ARG1: variants seen among roughly 807,000 people sequenced by gnomAD.
The protein encoded by ARG1 is arginase-1.
In ARG1, 20 loss-of-function variants were observed where a neutral mutation model predicts 33.0. That is an observed-to-expected ratio of 0.61 (90% CI 0.43 to 0.88). The LOEUF (loss-of-function observed/expected upper bound fraction) is 0.88, where lower values mean the gene tolerates loss of function less well. Ranked by LOEUF, ARG1 falls within the 40% of genes least tolerant of loss-of-function variation. ARG1 has a pLI of 0.00. For synonymous variants in ARG1, 146 were observed against 140.6 expected, an observed-to-expected ratio of 1.04 and a Z score of -0.27; for missense variants, 374 against 384.7, an observed-to-expected ratio of 0.97 and a Z score of 0.23.
rs1367932520 is a variant in ARG1 at position 131,584,138 on chromosome 6, TAGAA to T, written c.*234_*237del. On this transcript the variant is annotated 3_prime_UTR_variant, in exon 8 of 8. Coordinates refer to ENST00000368087, the MANE Select transcript of ARG1 (RefSeq NM_000045.4). The stretch of plus-strand genomic sequence containing the variant: ...TCTAACTTGGCAAAAGACTTATCCT[TAGAA>T]AGAGAAGTGTACATTGATTTCCAAT... The T allele has an allele frequency of 9.3e-6, 5 of 537,616 alleles. No individual in the cohort carries two copies. The highest frequency in any genetic ancestry group is 1.6e-5 in the Non-Finnish European group (5 of 308,440). 33.3% of individuals were successfully genotyped at this position (537,616 alleles called of 1,614,324 possible). A position where few individuals can be genotyped will look rare whatever the true frequency, so the allele number is the denominator to read the frequency against.
intron 6 of ARG1, 62 bp downstream of exon 6, chr6:131,583,226 A>T: frequency 6.3e-7 from 1 of 1,597,218 alleles, no homozygotes; most frequent in East Asian, 2.2e-5. Flanking sequence ...ACTGACAACC[A>T]AAGTTATTAA....
intron 4 of ARG1, 29 bp from the exon 5 acceptor site, chr6:131,582,592 A>AT: frequency 6.4e-7 from 1 of 1,566,690 alleles, no homozygotes; most frequent in Non-Finnish European, 8.8e-7. Context: ...AGAATCATAC[A>AT]TAACCAAGTG....
chr6:131,582,733 T>A lies in ARG1; in HGVS notation c.560+18T>A, dbSNP rs760015789. 3 of 1,610,150 alleles carry A rather than the reference T, an allele frequency of 1.9e-6. No homozygotes were observed. The African/African-American group carries it at 4.0e-5, about 22-fold the overall frequency. On this transcript the variant is annotated intron_variant, in intron 5 of 7. Transcript: ENST00000368087. ...GGGGAACAGTAAGCTTATTCCTTGA[T>A]GTGATTTGCCTCCATTTTTGTCCCT...
chr6:131,582,746 C>A, intron 5 of ARG1, 31 bp downstream of exon 5: 1 of 1,597,446 alleles, frequency 6.3e-7, no homozygotes, highest in Non-Finnish European at 8.6e-7. Context: ...GATTTGCCTC[C>A]ATTTTTGTCC....
At chr6:131,579,463 AT>A (rs1773805625) in intron 3 of ARG1, 178 bp downstream of exon 3, 1 of 596,778 alleles carries the variant, frequency 1.7e-6, no homozygotes, top group Non-Finnish European at 2.8e-6. Flanking sequence ...ACTTCGCTCA[AT>A]TTGAAGTCTT....
rs942154661 is a variant in ARG1 at position 131,578,948 on chromosome 6, A to T, written c.131-163A>T. 13 of 740,602 alleles carry T rather than the reference A, an allele frequency of 1.8e-5. No homozygotes were observed. In the African/African-American group the frequency reaches 2.3e-4, roughly 13 times the overall value. The allele number at this position is 740,602 out of a possible 1,614,324, so 45.9% of individuals were successfully genotyped here. ...GATACTGGTAACATGACGTCAAGCA[A>T]AAGCAGACATGGGTCTACCTTCCCA... On this transcript the variant is annotated intron_variant, in intron 2 of 7. Transcript: ENST00000368087.
At chr6:131,577,154 G>GTA (rs1773657331) in intron 2 of ARG1, among the ~76,000 whole-genome samples, 1 of 152,198 alleles carries the variant, frequency 6.6e-6, no homozygotes, top group Non-Finnish European at 1.5e-5. Flanking sequence ...GGCGCAGTGT[G>GTA]TATATATACA....
intron 2 of ARG1, 87 bp from the exon 3 acceptor site, chr6:131,579,024 G>T: frequency 1.4e-6 from 2 of 1,439,574 alleles, no homozygotes; most frequent in South Asian, 1.2e-5. Context: ...GTGAATATAT[G>T]CCTATTTTAT....
chr6:131,583,459 G>A lies in ARG1; in HGVS notation c.770G>A (p.Gly257Asp). 1.2e-6 allele frequency: 2 copies of A among 1,614,096 alleles called. No individual in the cohort carries two copies. Among genetic ancestry groups the A allele is most frequent in the Non-Finnish European group, 1.7e-6 (2 of 1,179,978 alleles). The change falls in exon 7 of 8, where the codon GGT (glycine) becomes GAT (aspartate). Residue 257 changes from glycine (G) to aspartate (D), a missense_variant. Transcript: ENST00000368087. ...PVVGGLTYRE[G>D]LYITEEIYKT... Reference sequence around the variant, plus strand: ...GTGGGAGGTCTGACATACAGAGAAGGTCTCTACATCACAGAAGAAATCTAC... The same window carrying A: ...GTGGGAGGTCTGACATACAGAGAAGATCTCTACATCACAGAAGAAATCTAC...
At position 131,579,133 on chromosome 6, in the gene ARG1, G is replaced by T. The variant is rs1320772127; in HGVS notation, c.153G>T (p.Gly51=). The change falls in exon 3 of 8, where the codon GGG becomes GGT. Residue 51 remains glycine (G), a synonymous_variant. Coordinates refer to ENST00000368087, the MANE Select transcript of ARG1 (RefSeq NM_000045.4). ...TAGAGTGTGATGTGAAGGATTATGG[G>T]GACCTGCCCTTTGCTGACATCCCTA... ...KEQECDVKDY[G]DLPFADIPND... 1 of 1,613,908 alleles carries T rather than the reference G, an allele frequency of 6.2e-7. No homozygotes were observed. Among genetic ancestry groups the T allele is most frequent in the African/African-American group, 1.3e-5 (1 of 74,880 alleles).
intron 2 of ARG1, among the ~76,000 whole-genome samples, chr6:131,577,747 C>CA (rs200270063): frequency 0.011 from 1,587 of 149,410 alleles, 16 homozygotes; most frequent in Admixed American, 0.027. Flanking sequence ...AGTAAAAATA[C>CA]AAAAAAAAAT....
intron 2 of ARG1, among the ~76,000 whole-genome samples, chr6:131,578,401 C>T (rs533492220): frequency 3.9e-5 from 6 of 152,232 alleles, no homozygotes; most frequent in African/African-American, 1.4e-4. Context: ...CACAGTTTTA[C>T]ATGACACTCT....
chr6:131,576,795 AG>A, intron 2 of ARG1, 60 bp downstream of exon 2: 1 of 1,463,210 alleles, frequency 6.8e-7, no homozygotes, highest in Non-Finnish European at 9.6e-7. Flanking sequence ...AGGAAAGAGC[AG>A]GCCCCTGTGA....
Position 131,581,397 on chromosome 6 carries a change from C to T in ARG1, c.465+19C>T. On this transcript the variant is annotated intron_variant, in intron 4 of 7. Transcript: ENST00000368087. ...AGGAAAGGTAAAAGACTGGTTGGTA[C>T]TCTAGTGCAATAGAATACTTTTTAG... 1 of 1,606,548 alleles carries T rather than the reference C, an allele frequency of 6.2e-7. No individual in the cohort carries two copies. The highest frequency in any genetic ancestry group is 8.5e-7 in the Non-Finnish European group (1 of 1,175,904).
chr6:131,583,644 A>C, intron 7 of ARG1, 98 bp from the exon 8 acceptor site: 1 of 1,523,900 alleles, frequency 6.6e-7, no homozygotes, highest in Non-Finnish European at 9.0e-7. Flanking sequence ...ATCGGTTACT[A>C]CCTTTTTCTG....
At chr6:131,577,591 T>C (rs1201500705) in intron 2 of ARG1, among the ~76,000 whole-genome samples, 10 of 151,708 alleles carry the variant, frequency 6.6e-5, no homozygotes, top group Admixed American at 5.9e-4. Flanking sequence ...TGCAACGAGA[T>C]AGTATTCAAC....
Position 131,576,647 on chromosome 6 carries a change from T to C in ARG1, c.58-16T>C, listed in dbSNP as rs780487191. The C allele has an allele frequency of 9.3e-6, 15 of 1,611,162 alleles. No homozygotes were observed. The highest frequency in any genetic ancestry group is 1.3e-5 in the Non-Finnish European group (15 of 1,177,408). ...TCATGATAATGTCTGAAGTACTTTA[T>C]TTTTTAATTGTTCAGCCACGAGGAG... On this transcript the variant is annotated splice_polypyrimidine_tract_variant and intron_variant, in intron 1 of 7. Coordinates refer to ENST00000368087, the MANE Select transcript of ARG1 (RefSeq NM_000045.4).
rs1486118722 is a variant in ARG1 at position 131,579,151 on chromosome 6, C to T, written c.171C>T (p.Asp57=). 1.2e-6 allele frequency: 2 copies of T among 1,614,206 alleles called. No individual in the cohort carries two copies. Among genetic ancestry groups the T allele is most frequent in the South Asian group, 2.2e-5 (2 of 91,084 alleles). Residue 57 remains aspartate (D), a synonymous_variant, in exon 3 of 8, where the codon GAC becomes GAT. Coordinates refer to ENST00000368087, the MANE Select transcript of ARG1 (RefSeq NM_000045.4). ...VKDYGDLPFA[D]IPNDSPFQIV... ...ATTATGGGGACCTGCCCTTTGCTGACATCCCTAATGACAGTCCCTTTCAAA... is the reference window on the plus strand; with the variant it reads ...ATTATGGGGACCTGCCCTTTGCTGATATCCCTAATGACAGTCCCTTTCAAA...
At chr6:131,578,939 C>T (rs915361516) in intron 2 of ARG1, 172 bp from the exon 3 acceptor site, 22 of 668,830 alleles carry the variant, frequency 3.3e-5, no homozygotes, top group East Asian at 3.2e-4. Context: ...GGTAACATGA[C>T]GTCAAGCAAA....
Sources: gnomAD v4.1 joint callset for allele counts (sites outside exome capture counted in the v4.1 genomes callset) on GRCh38, gnomAD v4.1.1 for gene constraint, MANE v1.5 for transcripts, NCBI Gene and HGNC (gene_info 2026-07-23, HGNC 2026-07-21) for gene names.